PVT1: variants seen among roughly 807,000 people sequenced by gnomAD.
PVT1 encodes the protein CXCR4/PVT1 fusion.
chr8:127,944,212 C>T (rs1286155019), intron 3 of PVT1, among the ~76,000 whole-genome samples: 1 of 152,120 alleles, frequency 6.6e-6, no homozygotes, highest in Non-Finnish European at 1.5e-5. Context: ...TTCAACATCC[C>T]AAAGTGCTAG....
At chr8:127,875,000 T>G (rs1815390214) in intron 2 of PVT1, among the ~76,000 whole-genome samples, 1 of 151,966 alleles carries the variant, frequency 6.6e-6, no homozygotes. Context: ...TCACCATGCG[T>G]GCTTCTTTGG....
chr8:128,056,579 G>A (rs549033055), intron 4 of PVT1, among the ~76,000 whole-genome samples: 23 of 152,306 alleles, frequency 1.5e-4, no homozygotes, highest in Non-Finnish European at 3.2e-4. Flanking sequence ...CACTGTGCTT[G>A]AGAACTGGTC....
At chr8:127,983,621 T>C (rs1272280345) in intron 3 of PVT1, among the ~76,000 whole-genome samples, 1 of 152,208 alleles carries the variant, frequency 6.6e-6, no homozygotes, top group Admixed American at 6.5e-5. Context: ...TTTGAGTAAG[T>C]TGTAGACATG....
At chr8:127,832,195 C>G (rs1814858086) in intron 2 of PVT1, among the ~76,000 whole-genome samples, 1 of 152,188 alleles carries the variant, frequency 6.6e-6, no homozygotes, top group African/African-American at 2.4e-5. Context: ...TGCTACATTT[C>G]TTGGTTTTCT....
At chr8:127,983,484 A>G (rs1354627449) in intron 3 of PVT1, among the ~76,000 whole-genome samples, 1 of 152,054 alleles carries the variant, frequency 6.6e-6, no homozygotes, top group Non-Finnish European at 1.5e-5. Context: ...GTCCTTATTT[A>G]TTTTAATATA....
chr8:127,868,794 CAT>C (rs1491471613), intron 2 of PVT1, among the ~76,000 whole-genome samples: 2 of 8,982 alleles, frequency 2.2e-4, no homozygotes, highest in African/African-American at 7.9e-4. Context: ...TATATATATA[CAT>C]ATATATGTAC....
intron 4 of PVT1, among the ~76,000 whole-genome samples, chr8:127,992,931 C>T (rs11997229): frequency 0.26 from 39,455 of 152,122 alleles, 5,256 homozygotes; most frequent in East Asian, 0.41. Context: ...ACCGGTCTTT[C>T]GCCACAAGGT....
chr8:128,073,670 G>C (rs576537174), intron 5 of PVT1, among the ~76,000 whole-genome samples: 1 of 152,212 alleles, frequency 6.6e-6, no homozygotes, highest in Non-Finnish European at 1.5e-5. Context: ...TTGTGAGGAA[G>C]GGTCTGGTCC....
chr8:128,043,862 C>A (rs1231989519), intron 4 of PVT1, among the ~76,000 whole-genome samples: 2 of 132,742 alleles, frequency 1.5e-5, no homozygotes, highest in African/African-American at 5.8e-5. Context: ...AAGACAGGGT[C>A]TTGCTCTGTC....
At chr8:128,093,284 G>A (rs1814383613) in intron 5 of PVT1, among the ~76,000 whole-genome samples, 2 of 152,178 alleles carry the variant, frequency 1.3e-5, no homozygotes, top group East Asian at 1.9e-4. Flanking sequence ...TTGGCCAGGA[G>A]CAGTGGCTCA....
chr8:127,904,355 G>GGTTGGTACCAGGAGAGAGGATTCAT (rs55897828), intron 3 of PVT1, among the ~76,000 whole-genome samples: 1 of 151,584 alleles, frequency 6.6e-6, no homozygotes, highest in Admixed American at 6.6e-5. Flanking sequence ...CAGTTTTGCA[G>GGTTGGTACCAGGAGAGAGGATTCAT]GTTGGTACCA....
At chr8:127,825,716 T>G (rs1814779987) in intron 2 of PVT1, among the ~76,000 whole-genome samples, 1 of 152,164 alleles carries the variant, frequency 6.6e-6, no homozygotes, top group Non-Finnish European at 1.5e-5. Flanking sequence ...GCTAGCTGTA[T>G]GTTCCTAGCC....
intron 2 of PVT1, among the ~76,000 whole-genome samples, chr8:127,835,238 C>T (rs753783997): frequency 9.9e-5 from 15 of 152,124 alleles, no homozygotes; most frequent in African/African-American, 3.6e-4. Context: ...AAATGTGGCA[C>T]ATATACACCA....
At chr8:127,924,922 A>G (rs1414501949) in intron 3 of PVT1, among the ~76,000 whole-genome samples, 1 of 152,190 alleles carries the variant, frequency 6.6e-6, no homozygotes, top group Admixed American at 6.5e-5. Context: ...TGCTGGGATT[A>G]TAGGCAGGAG....
chr8:127,830,126 T>C (rs1814833815), intron 2 of PVT1, among the ~76,000 whole-genome samples: 1 of 152,238 alleles, frequency 6.6e-6, no homozygotes, highest in Admixed American at 6.5e-5. Context: ...TAAGGCTACA[T>C]TCTGAGGTTC....
At chr8:127,947,516 G>T (rs1186945629) in intron 3 of PVT1, 2 of 359,980 alleles carry the variant, frequency 5.6e-6, no homozygotes, top group East Asian at 1.5e-4. Flanking sequence ...CACTGAGCCT[G>T]TAGGGATTTA....
chr8:127,868,312 A>G (rs1042638355), intron 2 of PVT1, among the ~76,000 whole-genome samples: 11 of 152,118 alleles, frequency 7.2e-5, no homozygotes, highest in African/African-American at 2.7e-4. Context: ...CCAGAAATGA[A>G]ACAGTGTTCA....
intron 3 of PVT1, among the ~76,000 whole-genome samples, chr8:127,942,875 G>C (rs1476404967): frequency 6.6e-6 from 1 of 152,206 alleles, no homozygotes; most frequent in African/African-American, 2.4e-5. Flanking sequence ...AAACTGTCAT[G>C]TCCAATGCTG....
chr8:128,054,792 T>C (rs887976178), intron 4 of PVT1, among the ~76,000 whole-genome samples: 1 of 152,192 alleles, frequency 6.6e-6, no homozygotes, highest in Admixed American at 6.5e-5. Context: ...AGAAATGCCA[T>C]GTGATGGTTA....
Sources: allele counts gnomAD v4.1 joint callset (sites outside exome capture counted in the v4.1 genomes callset), GRCh38; gene constraint gnomAD v4.1.1; transcripts MANE v1.5; gene names NCBI Gene and HGNC (gene_info 2026-07-23, HGNC 2026-07-21).